The following NFIB variants were observed in gnomAD, a reference collection of about 807,000 sequenced individuals.
NFIB encodes nuclear factor 1 B-type.
NFIB carries 11 observed loss-of-function variants against 61.5 expected under a neutral mutation model. That is an observed-to-expected ratio of 0.18 (90% confidence interval 0.11 to 0.30). The LOEUF is 0.30. Ranked by LOEUF, NFIB falls within the 10% of genes least tolerant of loss-of-function variation. NFIB has a pLI of 1.00. For synonymous variants in NFIB, 260 were observed against 216.5 expected (o/e 1.20, Z -1.76); for missense variants, 471 against 608.9 (o/e 0.77, Z 2.38).
the NFIB span, among the ~76,000 whole-genome samples, chr9:14,461,018 CT>C: frequency 0.36 from 54,444 of 151,786 alleles, 10,689 homozygotes; most frequent in Admixed American, 0.49. Context: ...CTTCTTTTCC[CT>C]TCCTCCGTGC....
At chr9:14,283,582 G>C (rs2058520415) in intron 2 of NFIB, among the ~76,000 whole-genome samples, 1 of 152,226 alleles carries the variant, frequency 6.6e-6, no homozygotes, top group Non-Finnish European at 1.5e-5. Context: ...GAGCAGTCCT[G>C]ATCATGCTCA....
intron 9 of NFIB, among the ~76,000 whole-genome samples, chr9:14,115,011 T>A (rs2037913554): frequency 6.6e-6 from 1 of 152,192 alleles, no homozygotes; most frequent in Non-Finnish European, 1.5e-5. Flanking sequence ...ATCTGTGCAT[T>A]CAGGGAAGTA....
At chr9:14,268,370 C>G (rs1019319487) in intron 2 of NFIB, among the ~76,000 whole-genome samples, 2 of 152,084 alleles carry the variant, frequency 1.3e-5, no homozygotes, top group African/African-American at 4.8e-5. Flanking sequence ...CTCAGCAACC[C>G]TACTCTTTCA....
chr9:14,427,947 T>TGTTTGTTTG, the NFIB span, among the ~76,000 whole-genome samples: 29 of 101,626 alleles, frequency 2.9e-4, no homozygotes, highest in African/African-American at 1.0e-3. Context: ...GTTTTTTTTT[T>TGTTTGTTTG]TTTTTTTTTT....
chr9:14,223,659 G>GTCTT (rs1480503274), intron 2 of NFIB, among the ~76,000 whole-genome samples: 1 of 152,088 alleles, frequency 6.6e-6, no homozygotes, highest in Non-Finnish European at 1.5e-5. Flanking sequence ...GTGTAAAAGA[G>GTCTT]GAAGAAGAAG....
the NFIB span, among the ~76,000 whole-genome samples, chr9:14,518,235 T>G: frequency 6.6e-6 from 1 of 152,318 alleles, no homozygotes; most frequent in African/African-American, 2.4e-5. Context: ...GACTTCTCAA[T>G]CTATGGCCAT....
chr9:14,326,046 A>G (rs1310931106), intron 1 of NFIB, among the ~76,000 whole-genome samples: 2 of 152,224 alleles, frequency 1.3e-5, no homozygotes, highest in African/African-American at 4.8e-5. Flanking sequence ...GGACATTTAT[A>G]AAGTGCCAAA....
chr9:14,530,666 A>C, the NFIB span, among the ~76,000 whole-genome samples: 1 of 152,148 alleles, frequency 6.6e-6, no homozygotes, highest in Non-Finnish European at 1.5e-5. Flanking sequence ...CATTCATAAG[A>C]AACCCTCTTG....
In NFIB at chr9:14,313,865, G is replaced by A. The variant is rs2132762081; in HGVS notation, c.-354C>T. 2 of 1,134,498 alleles carry A rather than the reference G, an allele frequency of 1.8e-6. No individual in the cohort carries two copies. The highest frequency in any genetic ancestry group is 3.1e-5 in the South Asian group (1 of 31,868). The allele number at this position is 1,134,498 out of a possible 1,614,324, so 70.3% of individuals were successfully genotyped here. Reference sequence around the variant, plus strand: ...CTATTTTGCAGTTGTTGTTGTTGTTGGGGTGTAGGGGGTGCGCGAAGGTTC... The same window carrying A: ...CTATTTTGCAGTTGTTGTTGTTGTTAGGGTGTAGGGGGTGCGCGAAGGTTC... On this transcript the variant is annotated 5_prime_UTR_variant, in exon 1 of 11. Coordinates refer to ENST00000380953, the MANE Select transcript of NFIB (RefSeq NM_001190737.2). The surrounding 1 kb of genome is among the most constrained non-coding windows in gnomAD (Gnocchi z 4.5).
intron 2 of NFIB, among the ~76,000 whole-genome samples, chr9:14,291,584 A>C (rs2059104922): frequency 6.6e-6 from 1 of 152,194 alleles, no homozygotes; most frequent in Admixed American, 6.5e-5. Flanking sequence ...AAACTAATAA[A>C]AAAATTCTCA....
At chr9:14,482,936 T>C in the NFIB span, among the ~76,000 whole-genome samples, 2 of 152,228 alleles carry the variant, frequency 1.3e-5, no homozygotes, top group Non-Finnish European at 2.9e-5. Context: ...GGATGCCTTC[T>C]GAAAGGATGC....
At chr9:14,324,737 G>C (rs1458678469) in intron 1 of NFIB, among the ~76,000 whole-genome samples, 2 of 151,972 alleles carry the variant, frequency 1.3e-5, no homozygotes, top group Non-Finnish European at 2.9e-5. Context: ...GTCATGTTCA[G>C]GCTTTCATAT....
intron 1 of NFIB, among the ~76,000 whole-genome samples, chr9:14,368,151 G>GTAA (rs2132962782): frequency 7.4e-5 from 1 of 13,438 alleles, no homozygotes; most frequent in Non-Finnish European, 1.2e-4. Context: ...AGTAAAGTAA[G>GTAA]ATTAAAAAAA....
chr9:14,231,426 G>A (rs1405066593), intron 2 of NFIB, among the ~76,000 whole-genome samples: 2 of 151,828 alleles, frequency 1.3e-5, no homozygotes, highest in African/African-American at 4.8e-5. Flanking sequence ...GGGAAAACGA[G>A]GCTGGCACCA....
At chr9:14,277,700 G>C (rs2058094548) in intron 2 of NFIB, among the ~76,000 whole-genome samples, 1 of 152,140 alleles carries the variant, frequency 6.6e-6, no homozygotes, top group African/African-American at 2.4e-5. Context: ...CCTAAAGTAA[G>C]GGCTTCAAAC....
At chr9:14,468,702 T>C in the NFIB span, among the ~76,000 whole-genome samples, 4 of 152,226 alleles carry the variant, frequency 2.6e-5, no homozygotes, top group African/African-American at 7.2e-5. Context: ...TGGATGTATA[T>C]GAAGAAGGAG....
At position 14,084,907 on chromosome 9, in the gene NFIB, C is replaced by T. The variant is rs989053600; in HGVS notation, c.*3402G>A. On this transcript the variant is annotated 3_prime_UTR_variant, in exon 11 of 11. Coordinates refer to ENST00000380953, the MANE Select transcript of NFIB (RefSeq NM_001190737.2). ...AACACTTGAACTAGGCCTTTGTATTCAAGAGGCAGGCAGGAATACCCACAG... is the reference window on the plus strand; with the variant it reads ...AACACTTGAACTAGGCCTTTGTATTTAAGAGGCAGGCAGGAATACCCACAG... 1.0e-4 allele frequency: 23 copies of T among 230,572 alleles called. No homozygotes were observed. The highest frequency in any genetic ancestry group is 5.4e-4 in the South Asian group (3 of 5,508). The allele number at this position is 230,572 out of a possible 1,614,324, so 14.3% of individuals were successfully genotyped here. A position where few individuals can be genotyped will look rare whatever the true frequency, so the allele number is the denominator to read the frequency against.
intron 2 of NFIB, among the ~76,000 whole-genome samples, chr9:14,286,333 G>A (rs1392409161): frequency 6.6e-6 from 1 of 152,104 alleles, no homozygotes; most frequent in African/African-American, 2.4e-5. Flanking sequence ...GCAGCGCAGA[G>A]TCCAGAAATA....
chr9:14,513,602 T>C, the NFIB span, among the ~76,000 whole-genome samples: 3 of 135,164 alleles, frequency 2.2e-5, no homozygotes, highest in Non-Finnish European at 4.6e-5. Context: ...CACTCCAGCC[T>C]GGGTGACAGA....
Sources: allele counts gnomAD v4.1 joint callset (sites outside exome capture counted in the v4.1 genomes callset), GRCh38; gene constraint gnomAD v4.1.1; non-coding constraint Gnocchi (gnomAD v3.1); transcripts MANE v1.5; gene names NCBI Gene and HGNC (gene_info 2026-07-23, HGNC 2026-07-21).